The following KIF6 variants were observed in gnomAD, a reference collection of about 807,000 sequenced individuals.
The protein encoded by KIF6 is kinesin-like protein KIF6.
A neutral mutation model predicts 112.7 loss-of-function variants in KIF6; 106 were observed. The observed-to-expected ratio is 0.94, with a 90% CI of 0.80 to 1.11. The LOEUF (loss-of-function observed/expected upper bound fraction) is 1.11, where lower values mean the gene tolerates loss of function less well. Ranked by LOEUF, KIF6 falls within the 50% of genes least tolerant of loss-of-function variation. The pLI is 0.00. For missense variants in KIF6, 929 were observed against 964.0 expected, an observed-to-expected ratio of 0.96 and a Z score of 0.48; for synonymous variants, 339 against 339.9, an observed-to-expected ratio of 1.00 and a Z score of 0.03.
intron 3 of KIF6, among the ~76,000 whole-genome samples, chr6:39,694,924 C>T (rs891705255): frequency 6.6e-6 from 1 of 152,098 alleles, no homozygotes; most frequent in African/African-American, 2.4e-5. Context: ...AATTATACTA[C>T]AAGGCTACAG....
chr6:39,639,802 T>G (rs1784815810), intron 3 of KIF6, 45 bp from the exon 4 acceptor site: 1 of 1,546,958 alleles, frequency 6.5e-7, no homozygotes, highest in African/African-American at 1.4e-5. Flanking sequence ...CATGGCTAAC[T>G]GCATATGAAT....
chr6:39,537,152 G>C (rs1215943013), intron 13 of KIF6, among the ~76,000 whole-genome samples: 6 of 152,068 alleles, frequency 3.9e-5, no homozygotes, highest in Non-Finnish European at 7.4e-5. Flanking sequence ...TTGAAAACTG[G>C]CACAAGACAG....
chr6:39,657,692 TATTTTC>T (rs1785885961), intron 3 of KIF6, among the ~76,000 whole-genome samples: 1 of 152,252 alleles, frequency 6.6e-6, no homozygotes, highest in Admixed American at 6.5e-5. Flanking sequence ...ATATAATTTT[TATTTTC>T]ATTTCCAAAA....
chr6:39,667,223 C>A (rs1245772621), intron 3 of KIF6, among the ~76,000 whole-genome samples: 1 of 144,376 alleles, frequency 6.9e-6, no homozygotes, highest in Non-Finnish European at 1.5e-5. Context: ...AACAGGCCAT[C>A]TGAAAGCCAG....
intron 12 of KIF6, among the ~76,000 whole-genome samples, chr6:39,540,651 C>T (rs906019737): frequency 1.3e-5 from 2 of 152,336 alleles, no homozygotes; most frequent in Admixed American, 6.5e-5. Flanking sequence ...CAGAGCAGAG[C>T]GGGAGGATGG....
chr6:39,351,002 A>G (rs1764201659), intron 19 of KIF6, among the ~76,000 whole-genome samples: 1 of 152,140 alleles, frequency 6.6e-6, no homozygotes, highest in Non-Finnish European at 1.5e-5. Flanking sequence ...CACAGGGGAC[A>G]GGGCTGAACA....
At chr6:39,497,780 T>G (rs1562265479) in intron 13 of KIF6, among the ~76,000 whole-genome samples, 1 of 152,192 alleles carries the variant, frequency 6.6e-6, no homozygotes, top group Non-Finnish European at 1.5e-5. Flanking sequence ...TCTGACAGAT[T>G]CCATCTCCTT....
At chr6:39,484,858 T>C (rs969326770) in intron 13 of KIF6, among the ~76,000 whole-genome samples, 1 of 152,182 alleles carries the variant, frequency 6.6e-6, no homozygotes, top group Admixed American at 6.5e-5. Context: ...AGCTTGCATC[T>C]GTGACTATCA....
intron 13 of KIF6, among the ~76,000 whole-genome samples, chr6:39,489,650 T>G (rs146216519): frequency 1.5e-3 from 231 of 152,110 alleles, no homozygotes; most frequent in African/African-American, 5.3e-3. Context: ...TTTCCCCCAG[T>G]GACTGGTTTA....
At chr6:39,649,283 A>G (rs1004579056) in intron 3 of KIF6, among the ~76,000 whole-genome samples, 1 of 152,252 alleles carries the variant, frequency 6.6e-6, no homozygotes, top group African/African-American at 2.4e-5. Context: ...AGAGAAATAA[A>G]GTAGGTTACA....
chr6:39,446,062 G>A (rs1772291601), intron 13 of KIF6, among the ~76,000 whole-genome samples: 1 of 152,182 alleles, frequency 6.6e-6, no homozygotes, highest in African/African-American at 2.4e-5. Flanking sequence ...AGGCTGCTCT[G>A]TGATTCCTGT....
chr6:39,660,077 G>A (rs927029218), intron 3 of KIF6, among the ~76,000 whole-genome samples: 10 of 152,154 alleles, frequency 6.6e-5, no homozygotes, highest in East Asian at 1.9e-4. Flanking sequence ...TGGGGAGGCC[G>A]AGGCAGTAGG....
At chr6:39,393,506 C>T (rs1327363795) in intron 15 of KIF6, among the ~76,000 whole-genome samples, 1 of 151,592 alleles carries the variant, frequency 6.6e-6, no homozygotes, top group Non-Finnish European at 1.5e-5. Context: ...TTATGATCAG[C>T]AAGAAGAAAA....
chr6:39,693,156 C>T (rs1788326744), intron 3 of KIF6, among the ~76,000 whole-genome samples: 1 of 152,136 alleles, frequency 6.6e-6, no homozygotes, highest in African/African-American at 2.4e-5. Flanking sequence ...TGTTTTAGCT[C>T]GTCTGACTGA....
chr6:39,424,454 G>C (rs1038900365), intron 14 of KIF6, among the ~76,000 whole-genome samples: 1 of 152,100 alleles, frequency 6.6e-6, no homozygotes, highest in Non-Finnish European at 1.5e-5. Flanking sequence ...CTTTTCTCTG[G>C]GGCTTAGAAC....
At chr6:39,552,583 T>G (rs1355791208) in intron 10 of KIF6, among the ~76,000 whole-genome samples, 1 of 152,200 alleles carries the variant, frequency 6.6e-6, no homozygotes, top group Admixed American at 6.5e-5. Context: ...TCTCAGTTAA[T>G]TCAGAAAAGT....
chr6:39,405,924 T>G (rs549689593), intron 15 of KIF6, among the ~76,000 whole-genome samples: 1 of 152,372 alleles, frequency 6.6e-6, no homozygotes, highest in East Asian at 1.9e-4. Flanking sequence ...GTTTGTGACT[T>G]TCAAGGAATT....
chr6:39,479,475 T>C (rs1774659152), intron 13 of KIF6, among the ~76,000 whole-genome samples: 1 of 152,328 alleles, frequency 6.6e-6, no homozygotes, highest in East Asian at 1.9e-4. Flanking sequence ...TTTATACCAG[T>C]ACCATGCTGT....
chr6:39,719,900 T>C (rs1271723455), intron 2 of KIF6, among the ~76,000 whole-genome samples: 1 of 152,114 alleles, frequency 6.6e-6, no homozygotes, highest in East Asian at 1.9e-4. Flanking sequence ...GGAGGATCAC[T>C]GGAGCCCAGC....
Sources: allele counts gnomAD v4.1 joint callset (sites outside exome capture counted in the v4.1 genomes callset), GRCh38; gene constraint gnomAD v4.1.1; transcripts MANE v1.5; gene names NCBI Gene and HGNC (gene_info 2026-07-23, HGNC 2026-07-21).